Variants in CTNNA2 observed in about 807,000 individuals in gnomAD.
The protein encoded by CTNNA2 is catenin alpha-2.
Under a neutral mutation model 101.0 loss-of-function variants are expected in CTNNA2, and 42 were observed. The observed-to-expected ratio is 0.42, with a 90% CI of 0.32 to 0.54. The LOEUF (loss-of-function observed/expected upper bound fraction) is 0.54. Among genes scored for constraint, CTNNA2 ranks in the 20% least tolerant of loss-of-function variants. The probability of loss-of-function intolerance (pLI) is 0.14; values close to 1 mark genes in which losing one functional copy is unlikely to be tolerated. For missense variants in CTNNA2, 871 were observed against 1,223.1 expected (o/e 0.71, Z 4.29); for synonymous variants, 450 against 456.4 (o/e 0.99, Z 0.18).
chr2:79,429,276 A>G (rs1173820458), intron 4 of CTNNA2, among the ~76,000 whole-genome samples: 1 of 151,990 alleles, frequency 6.6e-6, no homozygotes, highest in Non-Finnish European at 1.5e-5. Flanking sequence ...GTGGAGCCTG[A>G]TTTCCCCAGT....
intron 6 of CTNNA2, among the ~76,000 whole-genome samples, chr2:79,892,397 C>T (rs1684372656): frequency 6.6e-6 from 1 of 151,858 alleles, no homozygotes; most frequent in Admixed American, 6.6e-5. Context: ...TCATGCACGC[C>T]TATTCTCATT....
At chr2:80,516,497 C>T (rs560400797) in intron 9 of CTNNA2, among the ~76,000 whole-genome samples, 3 of 152,268 alleles carry the variant, frequency 2.0e-5, no homozygotes, top group African/African-American at 4.8e-5. Flanking sequence ...CTCAAAGCAC[C>T]TCAAATAGGT....
intron 7 of CTNNA2, among the ~76,000 whole-genome samples, chr2:79,989,892 C>T (rs759476028): frequency 6.6e-6 from 1 of 152,150 alleles, no homozygotes; most frequent in Admixed American, 6.6e-5. Flanking sequence ...TTGGATTGAA[C>T]TAGATATCTA....
At chr2:79,720,296 C>T (rs1686395958) in intron 2 of CTNNA2, among the ~76,000 whole-genome samples, 1 of 152,038 alleles carries the variant, frequency 6.6e-6, no homozygotes, top group African/African-American at 2.4e-5. Context: ...GTTACTATAG[C>T]CTTATAGTAT....
At chr2:80,216,648 C>T (rs781684466) in intron 7 of CTNNA2, among the ~76,000 whole-genome samples, 35 of 152,144 alleles carry the variant, frequency 2.3e-4, no homozygotes, top group South Asian at 8.3e-4. Flanking sequence ...GGGCCCTCCC[C>T]AGAAGCCAAC....
At chr2:80,554,321 C>G (rs1160716432) in intron 11 of CTNNA2, among the ~76,000 whole-genome samples, 1 of 152,028 alleles carries the variant, frequency 6.6e-6, no homozygotes, top group Non-Finnish European at 1.5e-5. Flanking sequence ...TATTTATGAA[C>G]TATTGGTTGG....
At chr2:79,620,859 G>A (rs1041589147) in intron 1 of CTNNA2, among the ~76,000 whole-genome samples, 2 of 152,114 alleles carry the variant, frequency 1.3e-5, no homozygotes, top group African/African-American at 2.4e-5. Context: ...TAAAAATCCC[G>A]GTTATAAAAA....
intron 2 of CTNNA2, among the ~76,000 whole-genome samples, chr2:79,700,273 C>G (rs1465213778): frequency 6.6e-6 from 1 of 152,108 alleles, no homozygotes; most frequent in Non-Finnish European, 1.5e-5. Flanking sequence ...AATTTTAACA[C>G]TATGACTTGC....
chr2:80,565,129 T>C (rs988198130), intron 12 of CTNNA2, among the ~76,000 whole-genome samples: 1 of 132,946 alleles, frequency 7.5e-6, no homozygotes, highest in African/African-American at 3.9e-5. Context: ...GTAGAAACTG[T>C]GTTTCTACTG....
intron 4 of CTNNA2, among the ~76,000 whole-genome samples, chr2:79,489,683 A>G (rs993820284): frequency 6.6e-6 from 1 of 152,238 alleles, no homozygotes; most frequent in Non-Finnish European, 1.5e-5. Flanking sequence ...ATTCTATTGC[A>G]TGAATGAAAA....
chr2:80,239,263 G>C (rs1321306726), intron 7 of CTNNA2, among the ~76,000 whole-genome samples: 4 of 152,180 alleles, frequency 2.6e-5, no homozygotes, highest in African/African-American at 9.7e-5. Flanking sequence ...GCTGAAAATA[G>C]CTTTTGGCCT....
chr2:80,011,611 T>A (rs908202250), intron 7 of CTNNA2, among the ~76,000 whole-genome samples: 2 of 152,206 alleles, frequency 1.3e-5, no homozygotes, highest in Non-Finnish European at 2.9e-5. Flanking sequence ...ATGAATGATC[T>A]CCATGGTCCT....
chr2:79,497,023 C>T (rs1401952999), intron 4 of CTNNA2, among the ~76,000 whole-genome samples: 1 of 152,150 alleles, frequency 6.6e-6, no homozygotes, highest in Non-Finnish European at 1.5e-5. Flanking sequence ...GCTTTTTGGC[C>T]TGCCTAGTGT....
intron 2 of CTNNA2, among the ~76,000 whole-genome samples, chr2:79,238,935 T>C (rs1021799022): frequency 6.6e-6 from 1 of 152,184 alleles, no homozygotes; most frequent in African/African-American, 2.4e-5. Flanking sequence ...AATACAAGAA[T>C]AAAAGTGCTT....
chr2:80,221,816 C>G (rs1039582644), intron 7 of CTNNA2, among the ~76,000 whole-genome samples: 5 of 152,186 alleles, frequency 3.3e-5, no homozygotes, highest in Non-Finnish European at 7.3e-5. Context: ...GATTAATGAT[C>G]AAAATGTGTG....
At chr2:79,838,268 A>G (rs1035041784) in intron 3 of CTNNA2, among the ~76,000 whole-genome samples, 1 of 152,172 alleles carries the variant, frequency 6.6e-6, no homozygotes, top group Admixed American at 6.5e-5. Context: ...CTAGAATTGT[A>G]TAGGCTAGCT....
At position 79,851,445 on chromosome 2, in the gene CTNNA2, G is replaced by A. The variant is rs188072709; in HGVS notation, c.299-6568G>A. On this transcript the variant is annotated intron_variant, in intron 3 of 18. Transcript: ENST00000402739. ...TCTCTGTAAGTGTGTGAGCTCAATC[G>A]GGATGCACAGTTTGAGTTGCAGAAC... 8.7e-4 allele frequency among the ~76,000 whole-genome samples: 132 copies of A among 152,146 alleles called. 1 individual carries two copies. Among genetic ancestry groups the A allele is most frequent in the African/African-American group, 3.1e-3 (128 of 41,498 alleles).
intron 7 of CTNNA2, among the ~76,000 whole-genome samples, chr2:80,012,747 C>T (rs1693876477): frequency 6.6e-6 from 1 of 152,208 alleles, no homozygotes; most frequent in South Asian, 2.1e-4. Context: ...ACAAAGTTCT[C>T]TTAAACTCCA....
At chr2:79,989,163 C>T (rs1395004124) in intron 7 of CTNNA2, among the ~76,000 whole-genome samples, 4 of 152,104 alleles carry the variant, frequency 2.6e-5, no homozygotes, top group Non-Finnish European at 5.9e-5. Flanking sequence ...CTCCAAGAAA[C>T]CCTTAACAAG....
Sources: allele counts gnomAD v4.1 joint callset (sites outside exome capture counted in the v4.1 genomes callset), GRCh38; gene constraint gnomAD v4.1.1; transcripts MANE v1.5; gene names NCBI Gene and HGNC (gene_info 2026-07-23, HGNC 2026-07-21).